The following PTPDC1 variants were observed in gnomAD, a reference collection of about 807,000 sequenced individuals.
The protein encoded by PTPDC1 is protein tyrosine phosphatase domain containing 1, also known as protein tyrosine phosphatase domain-containing protein 1.
In PTPDC1, 53 loss-of-function variants were observed where a neutral mutation model predicts 75.3. That is an observed-to-expected ratio of 0.70 (90% CI 0.56 to 0.88). PTPDC1 has a LOEUF of 0.88. Ranked by LOEUF, PTPDC1 falls within the 40% of genes least tolerant of loss-of-function variation. PTPDC1 has a pLI of 0.00. For missense variants in PTPDC1, 925 were observed against 998.6 expected (o/e 0.93, Z 0.99); for synonymous variants, 349 against 366.2 (o/e 0.95, Z 0.54).
intron 2 of PTPDC1, among the ~76,000 whole-genome samples, chr9:94,086,671 C>T (rs1000674853): frequency 3.3e-5 from 5 of 152,162 alleles, no homozygotes; most frequent in Admixed American, 6.5e-5. Flanking sequence ...ATTTATTGGG[C>T]GTCTGCCCAC....
At chr9:94,094,812 A>C (rs77028622) in intron 4 of PTPDC1, among the ~76,000 whole-genome samples, 2 of 152,236 alleles carry the variant, frequency 1.3e-5, no homozygotes, top group Non-Finnish European at 2.9e-5. Flanking sequence ...CGAAAAGCGC[A>C]GTGTTCGGGT....
chr9:94,095,394 A>G lies in PTPDC1; in HGVS notation c.694A>G (p.Thr232Ala). 6.2e-7 allele frequency: 1 copy of G among 1,613,358 alleles called. No individual in the cohort carries two copies. Among genetic ancestry groups the G allele is most frequent in the Middle Eastern group, 1.7e-4 (1 of 6,060 alleles). Residue 232 changes from threonine (T) to alanine (A), a missense_variant, in exon 5 of 9, where the codon ACA becomes GCA. Thr to Ala is a moderately conservative substitution (Grantham distance 58). Transcript: ENST00000620992. ...TATCCTAGATATGGTGAAGGTGATGACATTTGCCTTACAGGAAGGAAAAGT... is the reference window on the plus strand; with the variant it reads ...TATCCTAGATATGGTGAAGGTGATGGCATTTGCCTTACAGGAAGGAAAAGT... Reference protein sequence around the residue: ...TTILDMVKVMTFALQEGKVAI... With the variant: ...TTILDMVKVMAFALQEGKVAI...
chr9:94,074,600 T>A (rs1237824321), intron 2 of PTPDC1, among the ~76,000 whole-genome samples: 4 of 151,678 alleles, frequency 2.6e-5, no homozygotes, highest in African/African-American at 9.7e-5. Flanking sequence ...ACAGGTGGAG[T>A]TGGGAGTTCA....
intron 1 of PTPDC1, among the ~76,000 whole-genome samples, chr9:94,050,749 G>A (rs1309228313): frequency 6.6e-6 from 1 of 152,220 alleles, no homozygotes; most frequent in African/African-American, 2.4e-5. Context: ...CTGTCAGACA[G>A]GGATATTTAA....
chr9:94,044,974 C>T (rs1490108619), intron 1 of PTPDC1, among the ~76,000 whole-genome samples: 1 of 142,138 alleles, frequency 7.0e-6, no homozygotes, highest in African/African-American at 2.6e-5. Context: ...GGTATATCTA[C>T]TAATGCTATC....
chr9:94,074,712 G>T (rs1447678569), intron 2 of PTPDC1, among the ~76,000 whole-genome samples: 2 of 152,142 alleles, frequency 1.3e-5, no homozygotes, highest in African/African-American at 4.8e-5. Flanking sequence ...GCAAATGAGT[G>T]TGGAGGCTCA....
In PTPDC1 at chr9:94,098,115, G is replaced by A; in HGVS notation, c.1549G>A (p.Gly517Ser). 3 of 1,614,196 alleles carry A rather than the reference G, an allele frequency of 1.9e-6. No homozygotes were observed. Among genetic ancestry groups the A allele is most frequent in the Non-Finnish European group, 2.5e-6 (3 of 1,180,028 alleles). ...TTTCTGGAGTCAGTCAAAGTTTGGAGGCCTGGAAGGACTCAAAGATAATGG... is the reference window on the plus strand; with the variant it reads ...TTTCTGGAGTCAGTCAAAGTTTGGAAGCCTGGAAGGACTCAAAGATAATGG... ...LSFWSQSKFG[G>S]LEGLKDNGSP... is the part of the protein sequence containing the mutation. Residue 517 changes from glycine to serine, a missense_variant, in exon 6 of 9, where the codon GGC becomes AGC. Physicochemically the swap from Gly to Ser is moderately conservative, Grantham distance 56. Coordinates refer to ENST00000620992, the MANE Select transcript of PTPDC1 (RefSeq NM_001253829.2).
At chr9:94,088,074 T>G (rs1827141306) in intron 3 of PTPDC1, 71 bp from the exon 4 acceptor site, 1 of 1,563,200 alleles carries the variant, frequency 6.4e-7, no homozygotes, top group Non-Finnish European at 8.7e-7. Context: ...TAATGTTGAT[T>G]AATACCAAAA....
chr9:94,085,281 C>G lies in PTPDC1; in HGVS notation c.275C>G (p.Thr92Arg), dbSNP rs773477763. The change falls in exon 2 of 9, where the codon ACA becomes AGA. Residue 92 changes from threonine to arginine, a missense_variant. By Grantham distance (71) the Thr-to-Arg change is moderately conservative. Coordinates refer to ENST00000620992, the MANE Select transcript of PTPDC1 (RefSeq NM_001253829.2). ...TTAGAACGTCCAACACCAAAGTACA[C>G]AAAAGTAGGGGAGCGTTTACGGCAT... ...GNLERPTPKY[T>R]KVGERLRHVI... 6.2e-7 allele frequency: 1 copy of G among 1,614,066 alleles called. No homozygotes were observed. Among genetic ancestry groups the G allele is most frequent in the Non-Finnish European group, 8.5e-7 (1 of 1,179,960 alleles).
chr9:94,074,914 C>T lies in PTPDC1; in HGVS notation c.82+10093C>T, dbSNP rs575680454. 3.9e-5 allele frequency among the ~76,000 whole-genome samples: 6 copies of T among 152,308 alleles called. No individual in the cohort carries two copies. The East Asian group carries it at 1.2e-3, about 29-fold the overall frequency. On this transcript the variant is annotated intron_variant, in intron 2 of 9. Transcript: ENST00000375360. ...TGTTTACAGGCCCCCACTTGCACAG[C>T]TTTGTTCAGTGTCCTTGATGATGGA...
At chr9:94,036,880 C>T (rs148609959) in intron 1 of PTPDC1, among the ~76,000 whole-genome samples, 5 of 152,322 alleles carry the variant, frequency 3.3e-5, no homozygotes, top group African/African-American at 1.2e-4. Context: ...GTTCCCTTGA[C>T]GCCTGTTTTA....
At chr9:94,092,217 A>G (rs1827352628) in intron 4 of PTPDC1, among the ~76,000 whole-genome samples, 1 of 148,976 alleles carries the variant, frequency 6.7e-6, no homozygotes, top group African/African-American at 2.5e-5. Context: ...TCTTGTGGGC[A>G]TTTAGTGCTA....
intron 1 of PTPDC1, chr9:94,038,323 CA>C: frequency 4.9e-5 from 32 of 647,738 alleles, no homozygotes; most frequent in Non-Finnish European, 5.9e-5. Flanking sequence ...TAGCTTATCT[CA>C]AAAAAAGCTA....
intron 8 of PTPDC1, among the ~76,000 whole-genome samples, chr9:94,107,347 G>A (rs931709157): frequency 6.6e-6 from 1 of 152,204 alleles, no homozygotes. Context: ...TACAAAGGAG[G>A]AGATCAAGGT....
chr9:94,039,620 C>CA (rs1825372253), intron 1 of PTPDC1, among the ~76,000 whole-genome samples: 1 of 151,986 alleles, frequency 6.6e-6, no homozygotes, highest in Non-Finnish European at 1.5e-5. Context: ...CTTGTCTCTA[C>CA]AAAAAATTTT....
chr9:94,053,681 C>T (rs1180764865), intron 1 of PTPDC1, among the ~76,000 whole-genome samples: 1 of 152,138 alleles, frequency 6.6e-6, no homozygotes, highest in Non-Finnish European at 1.5e-5. Flanking sequence ...TGCTATCATG[C>T]ATCCGTATCA....
intron 1 of PTPDC1, among the ~76,000 whole-genome samples, chr9:94,035,155 T>C (rs926983047): frequency 1.3e-5 from 2 of 152,208 alleles, no homozygotes; most frequent in African/African-American, 4.8e-5. Context: ...GTGTTGTGAC[T>C]GTGTTTTTAT....
chr9:94,093,223 C>T (rs976795860), intron 4 of PTPDC1, among the ~76,000 whole-genome samples: 200 of 151,436 alleles, frequency 1.3e-3, no homozygotes, highest in African/African-American at 4.4e-3. Flanking sequence ...TGGCTGGTAC[C>T]GGTTGTTCCT....
chr9:94,066,324 C>T (rs1826305709), intron 2 of PTPDC1, among the ~76,000 whole-genome samples: 1 of 152,048 alleles, frequency 6.6e-6, no homozygotes, highest in African/African-American at 2.4e-5. Context: ...ATAACATCTG[C>T]TTTATAGCTA....
Sources: allele counts gnomAD v4.1 joint callset (sites outside exome capture counted in the v4.1 genomes callset), GRCh38; gene constraint gnomAD v4.1.1; transcripts MANE v1.5; gene names NCBI Gene and HGNC (gene_info 2026-07-23, HGNC 2026-07-21).